Variants in SLC1A7 observed in about 807,000 individuals in gnomAD.
SLC1A7 encodes the protein excitatory amino acid transporter 5.
Under a neutral mutation model 47.7 loss-of-function variants are expected in SLC1A7, and 40 were observed. That is an observed-to-expected ratio of 0.84 (90% CI 0.65 to 1.09). The LOEUF (loss-of-function observed/expected upper bound fraction) is 1.09, where lower values mean the gene tolerates loss of function less well. SLC1A7 is among the 50% of genes least tolerant of loss of function. The probability of loss-of-function intolerance (pLI) is 0.00; values close to 1 mark genes in which losing one functional copy is unlikely to be tolerated. For missense variants in SLC1A7, 746 were observed against 769.5 expected, an observed-to-expected ratio of 0.97 and a Z score of 0.36; for synonymous variants, 323 against 325.6, an observed-to-expected ratio of 0.99 and a Z score of 0.09.
chr1:53,116,413 C>T (rs986377986), intron 2 of SLC1A7, among the ~76,000 whole-genome samples: 1 of 152,196 alleles, frequency 6.6e-6, no homozygotes, highest in African/African-American at 2.4e-5. Context: ...TGATTGAATG[C>T]TGGGTCCGCA....
At chr1:53,131,451 G>T (rs192586444) in intron 2 of SLC1A7, among the ~76,000 whole-genome samples, 1 of 152,370 alleles carries the variant, frequency 6.6e-6, no homozygotes, top group African/African-American at 2.4e-5. Context: ...GCAATGCCCA[G>T]GCAGTTAGGA....
At chr1:53,109,703 AG>A (rs1644682312) in intron 3 of SLC1A7, among the ~76,000 whole-genome samples, 1 of 152,302 alleles carries the variant, frequency 6.6e-6, no homozygotes, top group East Asian at 1.9e-4. Flanking sequence ...GGCAAGGGTC[AG>A]GAGGCCCCTG....
intron 3 of SLC1A7, among the ~76,000 whole-genome samples, chr1:53,111,036 G>C (rs932205037): frequency 6.6e-6 from 1 of 152,176 alleles, no homozygotes; most frequent in African/African-American, 2.4e-5. Context: ...AAAGAGCCAG[G>C]CTTCACAGGG....
rs777832897 is a variant in SLC1A7 at position 53,092,741 on chromosome 1, C to G, written c.844G>C (p.Glu282Gln). The G allele has an allele frequency of 6.2e-7, 1 of 1,613,862 alleles. No homozygotes were observed. The highest frequency in any genetic ancestry group is 8.5e-7 in the Non-Finnish European group (1 of 1,179,962). The stretch of plus-strand genomic sequence containing the variant: ...CCGACGGCCCTGGGGTCGTCCATCT[C>G]CAGGATCTTACCCGCAATGAGGAAC... Reference protein sequence around the residue: ...IVFLIAGKILEMDDPRAVGKK... With the variant: ...IVFLIAGKILQMDDPRAVGKK... The change falls in exon 7 of 11, where the codon GAG becomes CAG. Residue 282 changes from glutamate (E) to glutamine (Q), a missense_variant. By Grantham distance (29) the Glu-to-Gln change is conservative. Coordinates refer to ENST00000371494, the MANE Select transcript of SLC1A7 (RefSeq NM_006671.6).
chr1:53,138,527 CA>C lies in SLC1A7; in HGVS notation c.135+3787del, dbSNP rs143887586. On this transcript the variant is annotated intron_variant, in intron 1 of 10. Transcript: ENST00000371494. ...TCTACAACTTTATCCCAGTTATTGACATTAATTTTTTTTTTTTTTTTGGAGA... is the reference window on the plus strand; with the variant it reads ...TCTACAACTTTATCCCAGTTATTGACTTAATTTTTTTTTTTTTTTTGGAGA... 2.3e-3 allele frequency among the ~76,000 whole-genome samples: 298 copies of C among 129,476 alleles called. 2 individuals are homozygous for C. Among genetic ancestry groups the C allele is most frequent in the African/African-American group, 8.0e-3 (288 of 36,162 alleles). 84.9% of individuals were successfully genotyped at this position (129,476 alleles called of 152,430 possible).
intron 3 of SLC1A7, 127 bp from the exon 4 acceptor site, chr1:53,105,901 C>T: frequency 6.8e-6 from 5 of 733,426 alleles, no homozygotes; most frequent in Non-Finnish European, 1.2e-5. Flanking sequence ...GCCTCCTCTG[C>T]AGTCTCACCC....
chr1:53,109,180 T>C (rs1284272049), intron 3 of SLC1A7, among the ~76,000 whole-genome samples: 1 of 151,704 alleles, frequency 6.6e-6, no homozygotes, highest in Non-Finnish European at 1.5e-5. Flanking sequence ...CTCACCGAGA[T>C]GCTTCCAAAC....
At chr1:53,132,738 T>TGG (rs34995823) in intron 2 of SLC1A7, among the ~76,000 whole-genome samples, 19 of 151,950 alleles carry the variant, frequency 1.3e-4, no homozygotes, top group South Asian at 6.2e-4. Flanking sequence ...CCCAGCTACT[T>TGG]GGGGGGCTGA....
At chr1:53,097,351 A>G (rs1644507175) in intron 5 of SLC1A7, among the ~76,000 whole-genome samples, 1 of 150,032 alleles carries the variant, frequency 6.7e-6, no homozygotes, top group African/African-American at 2.5e-5. Context: ...GCCTCCGTGT[A>G]CTCACACACA....
At position 53,114,889 on chromosome 1, in the gene SLC1A7, G is replaced by A. The variant is rs769079138; in HGVS notation, c.300C>T (p.Thr100=). 6.2e-7 allele frequency: 1 copy of A among 1,614,214 alleles called. No individual in the cohort carries two copies. The highest frequency in any genetic ancestry group is 1.7e-5 in the Admixed American group (1 of 60,032). Residue 100 remains threonine, a synonymous_variant, in exon 3 of 11, where the codon ACC becomes ACT. Coordinates refer to ENST00000371494, the MANE Select transcript of SLC1A7 (RefSeq NM_006671.6). ...AGATGCCCACGATGACAGCCATGAA[G>A]GTGGTCCACAGGTAGTACGCCACGG... is the stretch of plus-strand genomic sequence containing the variant. ...VLTVAYYLWT[T]FMAVIVGIFM... is the part of the protein sequence containing the mutation.
rs775341991 is a variant in SLC1A7 at position 53,088,937 on chromosome 1, C to T, written c.1404G>A (p.Leu468=). ...RTMINVLGDA[L]AAGIMAHICR... ...ATATATGGGCCATGATCCCCGCTGC[C>T]AGCGCATCACCCAGCACGTTAATCA... Residue 468 remains leucine (L), a synonymous_variant, in exon 10 of 11, where the codon CTG becomes CTA. Coordinates refer to ENST00000371494, the MANE Select transcript of SLC1A7 (RefSeq NM_006671.6). 2.5e-6 allele frequency: 4 copies of T among 1,614,046 alleles called. No individual in the cohort carries two copies. The African/African-American group carries it at 4.0e-5, about 16-fold the overall frequency.
intron 2 of SLC1A7, among the ~76,000 whole-genome samples, chr1:53,122,075 G>A (rs184320994): frequency 2.6e-5 from 4 of 152,232 alleles, no homozygotes; most frequent in African/African-American, 7.2e-5. Flanking sequence ...GAATGCTGGG[G>A]ATGATGGGAA....
intron 2 of SLC1A7, among the ~76,000 whole-genome samples, chr1:53,117,236 C>A (rs149034764): frequency 1.3e-5 from 2 of 152,042 alleles, no homozygotes. Context: ...CGATGTGGCC[C>A]GAGCTCAGGT....
chr1:53,104,585 A>G (rs1281283664), intron 4 of SLC1A7, among the ~76,000 whole-genome samples: 3 of 152,242 alleles, frequency 2.0e-5, no homozygotes, highest in Non-Finnish European at 4.4e-5. Flanking sequence ...CACACCCTCA[A>G]TGATTCCCAA....
chr1:53,093,920 C>T (rs2150316490), intron 5 of SLC1A7, among the ~76,000 whole-genome samples: 1 of 152,326 alleles, frequency 6.6e-6, no homozygotes, highest in African/African-American at 2.4e-5. Flanking sequence ...CCCTCCTGCT[C>T]CTGCCCATCT....
intron 3 of SLC1A7, among the ~76,000 whole-genome samples, chr1:53,111,912 C>T (rs938077882): frequency 4.6e-5 from 7 of 152,210 alleles, no homozygotes; most frequent in Admixed American, 6.5e-5. Context: ...GACAGCCACG[C>T]GATAGGAACA....
chr1:53,142,254 G>C, intron 1 of SLC1A7, 61 bp downstream of exon 1: 2 of 1,516,794 alleles, frequency 1.3e-6, no homozygotes, highest in Non-Finnish European at 1.8e-6. Context: ...CGGGACCCCA[G>C]ATCCCTCAGG....
intron 2 of SLC1A7, among the ~76,000 whole-genome samples, chr1:53,120,790 C>A (rs1040169913): frequency 1.3e-5 from 2 of 152,238 alleles, no homozygotes; most frequent in South Asian, 4.1e-4. Flanking sequence ...CACGGAGTGC[C>A]GGGAGCCCAG....
At chr1:53,141,707 G>A (rs181267413) in intron 1 of SLC1A7, among the ~76,000 whole-genome samples, 230 of 148,796 alleles carry the variant, frequency 1.5e-3, no homozygotes, top group African/African-American at 5.0e-3. Context: ...CTGCACTGCC[G>A]CATCTCCCCC....
Sources: allele counts gnomAD v4.1 joint callset (sites outside exome capture counted in the v4.1 genomes callset), GRCh38; gene constraint gnomAD v4.1.1; transcripts MANE v1.5; gene names NCBI Gene and HGNC (gene_info 2026-07-23, HGNC 2026-07-21).